Variants in EML1 observed in about 807,000 individuals in gnomAD.
The protein encoded by EML1 is echinoderm microtubule-associated protein-like 1.
A neutral mutation model predicts 110.4 loss-of-function variants in EML1; 27 were observed. The ratio of observed to expected loss-of-function variants is 0.24; its 90% confidence interval spans 0.18 to 0.34. The LOEUF (loss-of-function observed/expected upper bound fraction) is 0.34, where lower values mean the gene tolerates loss of function less well. Among genes scored for constraint, EML1 ranks in the 10% least tolerant of loss-of-function variants. The pLI is 1.00. For synonymous variants in EML1, 344 were observed against 385.8 expected (o/e 0.89, Z 1.27); for missense variants, 741 against 1,030.9 (o/e 0.72, Z 3.85).
chr14:99,787,236 C>A (rs1441955556), intron 1 of EML1, among the ~76,000 whole-genome samples: 1 of 144,350 alleles, frequency 6.9e-6, no homozygotes, highest in African/African-American at 2.6e-5. Flanking sequence ...GGTGCTGCAT[C>A]TGTGGAATAG....
chr14:99,939,908 G>A lies in EML1; in HGVS notation c.2323-79G>A, dbSNP rs1595517004. The A allele has an allele frequency of 6.9e-7, 1 of 1,452,628 alleles. No individual in the cohort carries two copies. Among genetic ancestry groups the A allele is most frequent in the Non-Finnish European group, 9.1e-7 (1 of 1,095,824 alleles). 90.0% of individuals were successfully genotyped at this position (1,452,628 alleles called of 1,614,324 possible). On this transcript the variant is annotated intron_variant, in intron 21 of 21. Transcript: ENST00000262233. This position sits in a 1 kb window ranked among gnomAD's most constrained non-coding sequence, Gnocchi z 4.2. ...GCGAGTAAAGGAATTAAGGCATGCA[G>A]TGAGAATTCAAGCACTTTCCCATCC...
intron 1 of EML1, among the ~76,000 whole-genome samples, chr14:99,748,321 T>G (rs1338611079): frequency 6.6e-6 from 1 of 152,114 alleles, no homozygotes; most frequent in East Asian, 1.9e-4. Flanking sequence ...GGGTGAGTGG[T>G]ACTCACGTTT....
chr14:99,847,332 A>G (rs1410975621), intron 1 of EML1, among the ~76,000 whole-genome samples: 1 of 152,068 alleles, frequency 6.6e-6, no homozygotes, highest in Non-Finnish European at 1.5e-5. Flanking sequence ...TTGTTCAAAT[A>G]TTCTATGTCT....
upstream of EML1, chr14:99,793,288 G>C: frequency 1.0e-6 from 1 of 973,656 alleles, no homozygotes; most frequent in Non-Finnish European, 1.2e-6. Context: ...CGGGCGGAGC[G>C]GGCGCTGGGC....
At chr14:99,801,614 CA>C (rs59910012) in intron 1 of EML1, among the ~76,000 whole-genome samples, 23,064 of 130,506 alleles carry the variant, frequency 0.18, 1,952 homozygotes, top group East Asian at 0.39. Flanking sequence ...GACTCCGTCT[CA>C]AAAAAAAAAA....
intron 1 of EML1, among the ~76,000 whole-genome samples, chr14:99,783,351 A>G (rs2057563078): frequency 6.6e-6 from 1 of 151,960 alleles, no homozygotes; most frequent in African/African-American, 2.4e-5. Flanking sequence ...ATAGTATTCC[A>G]TGGTGTATAT....
intron 2 of EML1, among the ~76,000 whole-genome samples, chr14:99,863,178 G>T (rs2059030536): frequency 6.6e-6 from 1 of 152,146 alleles, no homozygotes; most frequent in Non-Finnish European, 1.5e-5. Flanking sequence ...CTCCACCTTT[G>T]TGGGAAGCAC....
chr14:99,889,058 G>A (rs1030013573), intron 4 of EML1, among the ~76,000 whole-genome samples: 4 of 152,190 alleles, frequency 2.6e-5, no homozygotes, highest in Admixed American at 6.5e-5. Context: ...GAGGAAAGCC[G>A]AGAGACGTTC....
rs531420420 is a variant in EML1 at position 99,763,588 on chromosome 14, T to C, written c.28+25728T>C. 8.5e-4 allele frequency among the ~76,000 whole-genome samples: 130 copies of C among 152,198 alleles called. 1 individual carries two copies. Among genetic ancestry groups the C allele is most frequent in the Non-Finnish European group, 1.3e-3 (86 of 68,004 alleles). Reference sequence around the variant, plus strand: ...CCTCAGAGAGGCTCCCTGAAATTATTTGTAGGAATCACTGCGGAAGCATGA... The same window carrying C: ...CCTCAGAGAGGCTCCCTGAAATTATCTGTAGGAATCACTGCGGAAGCATGA... On this transcript the variant is annotated intron_variant, in intron 1 of 10. Coordinates refer to the EML1 transcript ENST00000554479.
chr14:99,871,320 T>C (rs1242642128), intron 3 of EML1, among the ~76,000 whole-genome samples: 1 of 152,024 alleles, frequency 6.6e-6, no homozygotes, highest in African/African-American at 2.4e-5. Context: ...CTGAAAACCT[T>C]CTAGAAAGGA....
At chr14:99,831,925 A>G (rs1465020556) in intron 1 of EML1, among the ~76,000 whole-genome samples, 1 of 151,450 alleles carries the variant, frequency 6.6e-6, no homozygotes, top group Admixed American at 6.6e-5. Flanking sequence ...ATCTGAGCAT[A>G]TTTAAATGAA....
At chr14:99,913,766 TG>T (rs1247542371) in intron 13 of EML1, among the ~76,000 whole-genome samples, 3 of 152,142 alleles carry the variant, frequency 2.0e-5, no homozygotes, top group African/African-American at 7.2e-5. Flanking sequence ...CTCGGCTCAC[TG>T]CAGCCTCCAC....
At chr14:99,838,021 G>T (rs2058569485) in intron 1 of EML1, among the ~76,000 whole-genome samples, 1 of 152,030 alleles carries the variant, frequency 6.6e-6, no homozygotes, top group African/African-American at 2.4e-5. Flanking sequence ...GGCTGGTCTT[G>T]AACTCCTGGG....
At chr14:99,892,157 C>T (rs1410948025) in intron 5 of EML1, 35 of 985,256 alleles carry the variant, frequency 3.6e-5, no homozygotes, top group Non-Finnish European at 3.9e-5. Context: ...TCTCTGTCTC[C>T]GAAATCACAA....
chr14:99,923,576 A>G (rs1402596324), intron 17 of EML1, among the ~76,000 whole-genome samples: 1 of 152,256 alleles, frequency 6.6e-6, no homozygotes, highest in African/African-American at 2.4e-5. Context: ...ATTATCAATG[A>G]CACTTTTGTC....
chr14:99,738,192 G>A lies in EML1; in HGVS notation c.28+332G>A, dbSNP rs563891238. On this transcript the variant is annotated intron_variant, in intron 1 of 10. Transcript: ENST00000554479. ...GACCCATGGGTGGGCTCAGGATGCC[G>A]TGGGCCACTGGAACCGCATGCAGAC... Among the ~76,000 whole-genome samples the A allele has an allele frequency of 3.9e-5, 6 of 152,348 alleles. No individual in the cohort carries two copies. In the East Asian group the frequency reaches 5.8e-4, roughly 15 times the overall value.
intron 1 of EML1, among the ~76,000 whole-genome samples, chr14:99,775,374 C>T (rs58740267): frequency 0.12 from 17,703 of 152,186 alleles, 1,294 homozygotes; most frequent in East Asian, 0.37. Context: ...GAGGGAAGAG[C>T]CGGCTCCCGG....
intron 1 of EML1, among the ~76,000 whole-genome samples, chr14:99,808,872 A>C (rs182115194): frequency 1.3e-5 from 2 of 152,192 alleles, no homozygotes; most frequent in Non-Finnish European, 2.9e-5. Flanking sequence ...TCTGTTTCTC[A>C]CTTAATTCTC....
Position 99,752,624 on chromosome 14 carries a change from G to A in EML1, c.28+14764G>A, listed in dbSNP as rs1056569365. 2.6e-5 allele frequency among the ~76,000 whole-genome samples: 4 copies of A among 152,284 alleles called. 1 individual carries two copies. The South Asian group carries it at 8.3e-4, about 32-fold the overall frequency. The stretch of plus-strand genomic sequence containing the variant: ...GAGGGTGCTGTCCCAGGGAAGCAGT[G>A]CCTGCCTTGGGGCTTGGGACTCAGC... On this transcript the variant is annotated intron_variant, in intron 1 of 10. Coordinates refer to the EML1 transcript ENST00000554479.
Sources: gnomAD v4.1 joint callset for allele counts (sites outside exome capture counted in the v4.1 genomes callset) on GRCh38, gnomAD v4.1.1 for gene constraint, Gnocchi (gnomAD v3.1) non-coding constraint, MANE v1.5 for transcripts, NCBI Gene and HGNC (gene_info 2026-07-23, HGNC 2026-07-21) for gene names.